Variants in FRMPD4 observed in about 807,000 individuals in gnomAD.
The protein encoded by FRMPD4 is FERM and PDZ domain-containing protein 4.
In FRMPD4, 22 loss-of-function variants were observed where a neutral mutation model predicts 94.1. The ratio of observed to expected loss-of-function variants is 0.23; its 90% CI spans 0.17 to 0.33. FRMPD4 has a LOEUF of 0.33. Among genes scored for constraint, FRMPD4 ranks in the 10% least tolerant of loss-of-function variants. FRMPD4 has a pLI of 1.00. For missense variants in FRMPD4, 1,111 were observed against 1,339.9 expected (o/e 0.83, Z 2.67); for synonymous variants, 631 against 548.6 (o/e 1.15, Z -2.10).
At chrX:11,952,131 A>G (rs1214063483) in intron 3 of FRMPD4, among the ~76,000 whole-genome samples, 1 of 112,609 alleles carries the variant, frequency 8.9e-6, no homozygotes, top group Non-Finnish European at 1.9e-5. Flanking sequence ...GTGTGTTCAC[A>G]AGGTCAGGCC....
At chrX:12,237,086 A>G (rs1442333544) in intron 1 of FRMPD4, among the ~76,000 whole-genome samples, 1 of 112,495 alleles carries the variant, frequency 8.9e-6, no homozygotes, top group Non-Finnish European at 1.9e-5. Flanking sequence ...ACAAGAGTCT[A>G]CATTTATTAT....
Position 12,000,015 on chromosome X carries a change from A to G in FRMPD4, c.95+121997A>G, listed in dbSNP as rs142677649. On this transcript the variant is annotated intron_variant, in intron 3 of 18. Coordinates refer to the FRMPD4 transcript ENST00000640291. ...TTTGACGAAAAGAACTCAACTTGAC[A>G]TTTAAAAAGCCCATGCTTCAGAATT... Among the ~76,000 whole-genome samples the G allele has an allele frequency of 6.2e-5, 7 of 112,288 alleles. No individual in the cohort carries two copies. The East Asian group carries it at 2.0e-3, about 31-fold the overall frequency.
chrX:12,314,655 G>A (rs985826430), intron 1 of FRMPD4, among the ~76,000 whole-genome samples: 3 of 111,713 alleles, frequency 2.7e-5, no homozygotes, highest in African/African-American at 9.8e-5. Flanking sequence ...TGAACATTGA[G>A]TGCTTATGGT....
At chrX:12,023,592 T>C (rs763460539) in intron 3 of FRMPD4, among the ~76,000 whole-genome samples, 14 of 112,191 alleles carry the variant, frequency 1.2e-4, no homozygotes, top group Middle Eastern at 4.6e-3. Context: ...TATTTACTGA[T>C]GGTGTCTTCA....
chrX:11,914,682 C>T (rs1378970739), intron 3 of FRMPD4, among the ~76,000 whole-genome samples: 2 of 112,036 alleles, frequency 1.8e-5, no homozygotes, highest in Admixed American at 1.9e-4. Flanking sequence ...CTCTCTTCTC[C>T]TCCAGAGAAA....
intron 3 of FRMPD4, among the ~76,000 whole-genome samples, chrX:11,916,047 A>G (rs2054023051): frequency 8.9e-6 from 1 of 111,786 alleles, no homozygotes; most frequent in South Asian, 3.8e-4. Context: ...AGACTGAGGA[A>G]GCTTCGTGGG....
intron 16 of FRMPD4, among the ~76,000 whole-genome samples, chrX:12,720,049 G>GGAAAGAAAGAAAGAAA (rs199713463): frequency 1.0e-3 from 40 of 39,560 alleles, no homozygotes; most frequent in African/African-American, 4.5e-3. Context: ...GGAAAGGAAA[G>GGAAAGAAAGAAAGAAA]GAAAGAAAGA....
chrX:12,106,671 G>A (rs2055301087), intron 3 of FRMPD4, among the ~76,000 whole-genome samples: 1 of 111,725 alleles, frequency 9.0e-6, no homozygotes, highest in South Asian at 3.8e-4. Flanking sequence ...AGCAGTGACA[G>A]AAGGCACTGG....
intron 1 of FRMPD4, among the ~76,000 whole-genome samples, chrX:12,339,018 C>T (rs2055568993): frequency 8.9e-6 from 1 of 111,892 alleles, no homozygotes; most frequent in South Asian, 3.7e-4. Context: ...TGGGTTAAAG[C>T]ATTTTAAGAG....
chrX:12,248,023 A>G (rs2053979100), intron 1 of FRMPD4, among the ~76,000 whole-genome samples: 1 of 112,195 alleles, frequency 8.9e-6, no homozygotes, highest in African/African-American at 3.2e-5. Context: ...TTTATCTCCT[A>G]CCTGTCATGG....
intron 3 of FRMPD4, 115 bp from the exon 4 acceptor site, chrX:12,614,664 G>C (rs941054377): frequency 6.5e-6 from 3 of 463,782 alleles, no homozygotes; most frequent in African/African-American, 2.4e-5. Flanking sequence ...AGTGTGGTTG[G>C]GTTTCGGTTT....
intron 3 of FRMPD4, among the ~76,000 whole-genome samples, chrX:12,058,070 A>G (rs1413931497): frequency 9.0e-6 from 1 of 111,435 alleles, no homozygotes; most frequent in Non-Finnish European, 1.9e-5. Context: ...TGTAGTAAAT[A>G]ATTTTTAGGG....
chrX:12,665,723 G>A (rs1258571139), intron 4 of FRMPD4, among the ~76,000 whole-genome samples: 2 of 111,922 alleles, frequency 1.8e-5, no homozygotes, highest in Admixed American at 9.5e-5. Context: ...AAAAGCAAAT[G>A]CTGAGAGATT....
chrX:12,553,434 C>CTATATATATATATATATATA (rs3066486), intron 2 of FRMPD4, among the ~76,000 whole-genome samples: 45 of 39,615 alleles, frequency 1.1e-3, no homozygotes, highest in African/African-American at 2.6e-3. Context: ...ATCCATATGC[C>CTATATATATATATATATATA]TATATATATA....
chrX:12,630,394 G>C (rs1450850629), intron 4 of FRMPD4, among the ~76,000 whole-genome samples: 1 of 112,166 alleles, frequency 8.9e-6, no homozygotes, highest in Non-Finnish European at 1.9e-5. Flanking sequence ...AATGGGGATG[G>C]GGAGAGGGCA....
At chrX:12,662,157 C>T (rs766818354) in intron 4 of FRMPD4, among the ~76,000 whole-genome samples, 51 of 111,602 alleles carry the variant, frequency 4.6e-4, no homozygotes, top group African/African-American at 1.5e-3. Flanking sequence ...AGGGCTGAGA[C>T]TCACTAGCTT....
chrX:11,837,199 C>G (rs1036016052), intron 1 of FRMPD4, among the ~76,000 whole-genome samples: 3 of 98,883 alleles, frequency 3.0e-5, no homozygotes, highest in African/African-American at 1.1e-4. Flanking sequence ...GCATTTCTGA[C>G]TATGAATTAT....
intron 3 of FRMPD4, among the ~76,000 whole-genome samples, chrX:12,075,263 A>T (rs2055003689): frequency 9.1e-6 from 1 of 109,834 alleles, no homozygotes; most frequent in Non-Finnish European, 1.9e-5. Flanking sequence ...GCTCTGTGTG[A>T]TAATGTTGTA....
chrX:12,362,502 A>T (rs1601859112), intron 1 of FRMPD4, among the ~76,000 whole-genome samples: 2 of 111,411 alleles, frequency 1.8e-5, no homozygotes, highest in African/African-American at 6.6e-5. Flanking sequence ...GATGGTTTCC[A>T]GCTTCATCCA....
Sources: gnomAD v4.1 joint callset for allele counts (sites outside exome capture counted in the v4.1 genomes callset) on GRCh38, gnomAD v4.1.1 for gene constraint, MANE v1.5 for transcripts, NCBI Gene and HGNC (gene_info 2026-07-23, HGNC 2026-07-21) for gene names.